The following KAZN variants were observed in gnomAD, a reference collection of about 807,000 sequenced individuals.
The protein encoded by KAZN is kazrin, periplakin interacting protein.
A neutral mutation model predicts 87.4 loss-of-function variants in KAZN; 40 were observed. That is an observed-to-expected ratio of 0.46 (90% CI 0.36 to 0.60). The LOEUF (loss-of-function observed/expected upper bound fraction) is 0.60, where lower values mean the gene tolerates loss of function less well. Ranked by LOEUF, KAZN falls within the 20% of genes least tolerant of loss-of-function variation. The pLI is 0.00. For missense variants in KAZN, 898 were observed against 1,073.9 expected (o/e 0.84, Z 2.29); for synonymous variants, 466 against 458.3 (o/e 1.02, Z -0.22).
intron 1 of KAZN, among the ~76,000 whole-genome samples, chr1:14,665,532 G>A (rs992685124): frequency 6.6e-6 from 1 of 152,042 alleles, no homozygotes; most frequent in African/African-American, 2.4e-5. Flanking sequence ...CTTCAGGTGC[G>A]TGTTAGGGGC....
At chr1:14,029,399 G>A (rs1343689473) in intron 1 of KAZN, among the ~76,000 whole-genome samples, 88 of 80,400 alleles carry the variant, frequency 1.1e-3, no homozygotes, top group Middle Eastern at 8.1e-3. Flanking sequence ...AGTAGGTTGT[G>A]AAAATTTTCT....
At chr1:14,717,843 G>C (rs1363797491) in intron 1 of KAZN, among the ~76,000 whole-genome samples, 1 of 152,204 alleles carries the variant, frequency 6.6e-6, no homozygotes, top group Non-Finnish European at 1.5e-5. Context: ...TTGATGCAAT[G>C]TGGATGCGCT....
chr1:14,891,694 G>A (rs967571116), intron 1 of KAZN, among the ~76,000 whole-genome samples: 1 of 152,152 alleles, frequency 6.6e-6, no homozygotes, highest in East Asian at 1.9e-4. Flanking sequence ...AAAATTCTAT[G>A]TCATTATGTT....
intron 1 of KAZN, among the ~76,000 whole-genome samples, chr1:14,663,131 T>C (rs1003459305): frequency 5.3e-5 from 8 of 151,710 alleles, no homozygotes; most frequent in Non-Finnish European, 1.2e-4. Flanking sequence ...TCACCATGCC[T>C]GGCCAGTTTT....
chr1:14,672,451 A>G (rs1428305615), intron 1 of KAZN, among the ~76,000 whole-genome samples: 4 of 152,200 alleles, frequency 2.6e-5, no homozygotes, highest in African/African-American at 9.7e-5. Context: ...GGTCAATTCC[A>G]TAACAGTCTG....
intron 1 of KAZN, among the ~76,000 whole-genome samples, chr1:13,931,488 A>G (rs1640511240): frequency 6.6e-6 from 1 of 151,468 alleles, no homozygotes; most frequent in African/African-American, 2.4e-5. Context: ...GTGTGCATGC[A>G]TGTGTGTGTG....
intron 1 of KAZN, among the ~76,000 whole-genome samples, chr1:13,905,317 C>A (rs900650840): frequency 1.3e-5 from 2 of 152,136 alleles, no homozygotes; most frequent in African/African-American, 2.4e-5. Context: ...TGAGCTTATT[C>A]TAGGAATTTT....
At position 15,064,027 on chromosome 1, in the gene KAZN, C is replaced by A. The variant is rs144488078; in HGVS notation, c.1098+405C>A. On this transcript the variant is annotated intron_variant, in intron 7 of 14. Transcript: ENST00000376030. ...TGCACACATGTCCTCCGTCCTGATG[C>A]CCTGGCCATGGCTTACCCTGGCAGC... 2.7e-3 allele frequency among the ~76,000 whole-genome samples: 417 copies of A among 152,346 alleles called. 5 individuals are homozygous for A. In the South Asian group the frequency reaches 0.042, roughly 15 times the overall value.
At chr1:14,321,855 T>G (rs1656072085) in intron 2 of KAZN, among the ~76,000 whole-genome samples, 1 of 152,112 alleles carries the variant, frequency 6.6e-6, no homozygotes, top group Non-Finnish European at 1.5e-5. Context: ...ACAGAAGACT[T>G]AGAAAGAAGG....
At chr1:13,983,582 G>C (rs1638860180) in intron 1 of KAZN, among the ~76,000 whole-genome samples, 1 of 152,192 alleles carries the variant, frequency 6.6e-6, no homozygotes, top group Non-Finnish European at 1.5e-5. Flanking sequence ...AGTGGGCTCT[G>C]GCCTTGGCCA....
chr1:14,241,264 C>G (rs1326979479), intron 2 of KAZN, among the ~76,000 whole-genome samples: 1 of 152,176 alleles, frequency 6.6e-6, no homozygotes, highest in Non-Finnish European at 1.5e-5. Flanking sequence ...TGAACTAGAA[C>G]CCAGGACTCT....
chr1:14,429,284 C>T (rs925575195), intron 2 of KAZN, among the ~76,000 whole-genome samples: 1 of 152,186 alleles, frequency 6.6e-6, no homozygotes, highest in Non-Finnish European at 1.5e-5. Context: ...ACTTTTCTCA[C>T]ACAAAGGGAT....
intron 2 of KAZN, among the ~76,000 whole-genome samples, chr1:14,194,108 GA>G (rs1646477932): frequency 6.6e-6 from 1 of 152,114 alleles, no homozygotes; most frequent in Non-Finnish European, 1.5e-5. Context: ...AAGTATTCCA[GA>G]TGCATATTAT....
At chr1:14,593,065 G>A (rs991379725) in intron 2 of KAZN, among the ~76,000 whole-genome samples, 1 of 152,198 alleles carries the variant, frequency 6.6e-6, no homozygotes, top group African/African-American at 2.4e-5. Context: ...GTTTTGTGAT[G>A]CTTGGACAGA....
intron 1 of KAZN, among the ~76,000 whole-genome samples, chr1:14,826,507 G>A (rs1182396187): frequency 2.0e-5 from 3 of 152,196 alleles, no homozygotes; most frequent in Non-Finnish European, 4.4e-5. Context: ...CTACAGAGCG[G>A]CCTTGCTGCT....
intron 2 of KAZN, among the ~76,000 whole-genome samples, chr1:14,460,266 T>A: frequency 6.6e-6 from 1 of 152,234 alleles, no homozygotes; most frequent in East Asian, 1.9e-4. Flanking sequence ...CCATGCTGGA[T>A]GTCGGGCTTG....
chr1:14,765,105 G>A (rs1328069032), intron 1 of KAZN, among the ~76,000 whole-genome samples: 1 of 152,224 alleles, frequency 6.6e-6, no homozygotes, highest in Non-Finnish European at 1.5e-5. Context: ...AGCACTGTTG[G>A]TGTTTGGGAC....
intron 1 of KAZN, among the ~76,000 whole-genome samples, chr1:14,907,150 C>G (rs1001724889): frequency 1.3e-5 from 2 of 152,004 alleles, no homozygotes; most frequent in African/African-American, 4.8e-5. Flanking sequence ...AATCCCAGCA[C>G]TTTGGGAGGC....
chr1:14,666,001 A>C (rs1572174157), intron 1 of KAZN, among the ~76,000 whole-genome samples: 2 of 151,572 alleles, frequency 1.3e-5, no homozygotes, highest in African/African-American at 4.8e-5. Flanking sequence ...TTCGGAGATG[A>C]GTTGAGCTGA....
Sources: gnomAD v4.1 joint callset for allele counts (sites outside exome capture counted in the v4.1 genomes callset) on GRCh38, gnomAD v4.1.1 for gene constraint, MANE v1.5 for transcripts, NCBI Gene and HGNC (gene_info 2026-07-23, HGNC 2026-07-21) for gene names.